The following GRXCR2 variants were observed in gnomAD, a reference collection of about 807,000 sequenced individuals.
The protein encoded by GRXCR2 is glutaredoxin and cysteine rich domain containing 2.
A neutral mutation model predicts 24.8 loss-of-function variants in GRXCR2; 23 were observed. That is an observed-to-expected ratio of 0.93 (90% CI 0.67 to 1.32). The LOEUF is 1.32. Among genes scored for constraint, GRXCR2 ranks in the 40% most tolerant of loss-of-function variants. GRXCR2 has a pLI of 0.00. For synonymous variants in GRXCR2, 130 were observed against 116.1 expected (o/e 1.12, Z -0.77); for missense variants, 315 against 303.4 (o/e 1.04, Z -0.28).
At chr5:145,895,851 T>A (rs1350728728) in intron 2 of GRXCR2, among the ~76,000 whole-genome samples, 1 of 152,166 alleles carries the variant, frequency 6.6e-6, no homozygotes, top group Non-Finnish European at 1.5e-5. Context: ...AGAACAAAGC[T>A]GGAGGCATCA....
upstream of GRXCR2, among the ~76,000 whole-genome samples, chr5:145,875,288 G>A (rs547463439): frequency 1.3e-4 from 20 of 152,272 alleles, no homozygotes; most frequent in South Asian, 1.7e-3. Context: ...GGTGGCTCAC[G>A]CCTGTAATCC....
intron 2 of GRXCR2, among the ~76,000 whole-genome samples, chr5:145,908,872 T>C (rs1757124896): frequency 6.6e-6 from 1 of 152,176 alleles, no homozygotes; most frequent in African/African-American, 2.4e-5. Context: ...CATTGAGGGC[T>C]ACCACTGCAG....
chr5:145,900,548 T>C (rs577262927), intron 2 of GRXCR2, among the ~76,000 whole-genome samples: 15 of 152,262 alleles, frequency 9.9e-5, no homozygotes, highest in Non-Finnish European at 1.9e-4. Context: ...ATGCTCATTC[T>C]CACTAATCAT....
chr5:145,907,143 A>G (rs1757103333), intron 2 of GRXCR2, among the ~76,000 whole-genome samples: 1 of 152,128 alleles, frequency 6.6e-6, no homozygotes, highest in South Asian at 2.1e-4. Context: ...GGGATCTTGG[A>G]AGCCTTTTTA....
In GRXCR2 at chr5:145,859,716, C is replaced by A. The variant is rs376451689; in HGVS notation, c.*17G>T. On this transcript the variant is annotated 3_prime_UTR_variant, in exon 3 of 3. Transcript: ENST00000377976. ...TTAGGGAGGGTAAGATAACAGTGGACATGCAAAAGCCACGGGCTATTGATT... is the reference window on the plus strand; with the variant it reads ...TTAGGGAGGGTAAGATAACAGTGGAAATGCAAAAGCCACGGGCTATTGATT... The A allele has an allele frequency of 5.0e-6, 8 of 1,612,850 alleles. No homozygotes were observed. In the African/African-American group the frequency reaches 9.3e-5, roughly 19 times the overall value.
chr5:145,876,848 G>A (rs1200296140), upstream of GRXCR2, among the ~76,000 whole-genome samples: 1 of 152,118 alleles, frequency 6.6e-6, no homozygotes, highest in Non-Finnish European at 1.5e-5. Flanking sequence ...TAAATCGAAA[G>A]CAGTTTTGGC....
chr5:145,894,085 C>G (rs1036514562), intron 2 of GRXCR2, among the ~76,000 whole-genome samples: 30 of 152,140 alleles, frequency 2.0e-4, no homozygotes, highest in African/African-American at 6.7e-4. Flanking sequence ...TTGAAACCAA[C>G]GAGAACAAAG....
intron 1 of GRXCR2, among the ~76,000 whole-genome samples, chr5:145,867,120 A>G (rs1282572453): frequency 1.3e-5 from 2 of 152,238 alleles, no homozygotes. Context: ...ACCAGCATAA[A>G]TAATAATATT....
intron 2 of GRXCR2, among the ~76,000 whole-genome samples, chr5:145,889,172 AAAAG>A (rs557521873): frequency 0.096 from 8,042 of 83,780 alleles, 399 homozygotes; most frequent in South Asian, 0.11. Context: ...CTGTCTCAAA[AAAAG>A]AAAGAAAGAA....
At chr5:145,863,504 T>A (rs1427500941) in intron 2 of GRXCR2, among the ~76,000 whole-genome samples, 6 of 152,238 alleles carry the variant, frequency 3.9e-5, no homozygotes, top group Non-Finnish European at 8.8e-5. Context: ...GCCTGCAGTA[T>A]GACCTGCCTT....
chr5:145,913,693 T>G (rs907676202), intron 2 of GRXCR2, among the ~76,000 whole-genome samples: 18 of 152,142 alleles, frequency 1.2e-4, no homozygotes, highest in African/African-American at 3.6e-4. Context: ...TTTTAAAAAT[T>G]TTTTAAATAA....
intron 2 of GRXCR2, among the ~76,000 whole-genome samples, chr5:145,888,174 A>T (rs1756802432): frequency 6.6e-6 from 1 of 152,210 alleles, no homozygotes; most frequent in South Asian, 2.1e-4. Context: ...TGCCACCTGC[A>T]GGGAGGAGAG....
chr5:145,921,982 GA>G (rs1351977922), intron 2 of GRXCR2, among the ~76,000 whole-genome samples: 1 of 152,188 alleles, frequency 6.6e-6, no homozygotes, highest in Admixed American at 6.5e-5. Context: ...AACTCTGGGT[GA>G]AAACATTTGT....
chr5:145,928,963 G>A (rs1757442637), intron 2 of GRXCR2, among the ~76,000 whole-genome samples: 1 of 151,552 alleles, frequency 6.6e-6, no homozygotes, highest in Non-Finnish European at 1.5e-5. Context: ...AAACATACAT[G>A]AGCAAAATTT....
chr5:145,917,487 C>G (rs1405959043), intron 2 of GRXCR2, among the ~76,000 whole-genome samples: 1 of 152,106 alleles, frequency 6.6e-6, no homozygotes, highest in Non-Finnish European at 1.5e-5. Context: ...ATTCTGTAAA[C>G]ACCATCAGAA....
At chr5:145,923,994 A>G (rs905652713) in intron 2 of GRXCR2, among the ~76,000 whole-genome samples, 1 of 152,110 alleles carries the variant, frequency 6.6e-6, no homozygotes. Flanking sequence ...ATGGAATGAT[A>G]CTTACAATTT....
intron 2 of GRXCR2, among the ~76,000 whole-genome samples, chr5:145,911,907 A>G (rs1373737804): frequency 6.6e-6 from 1 of 152,192 alleles, no homozygotes; most frequent in Non-Finnish European, 1.5e-5. Context: ...TGGGAAACAT[A>G]GTGAGACCCC....
At chr5:145,895,527 T>C (rs61119403) in intron 2 of GRXCR2, among the ~76,000 whole-genome samples, 3,099 of 152,172 alleles carry the variant, frequency 0.02, 101 homozygotes, top group African/African-American at 0.071. Flanking sequence ...AACTCCCATT[T>C]ACTATTGCTT....
intron 2 of GRXCR2, among the ~76,000 whole-genome samples, chr5:145,902,234 C>T (rs909521754): frequency 6.6e-6 from 1 of 152,122 alleles, no homozygotes; most frequent in South Asian, 2.1e-4. Flanking sequence ...GCTAGGACTA[C>T]AGGCGCATGC....
Sources: allele counts gnomAD v4.1 joint callset (sites outside exome capture counted in the v4.1 genomes callset), GRCh38; gene constraint gnomAD v4.1.1; transcripts MANE v1.5; gene names NCBI Gene and HGNC (gene_info 2026-07-23, HGNC 2026-07-21).